The following ZBTB20 variants were observed in gnomAD, a reference collection of about 807,000 sequenced individuals.
ZBTB20 encodes the protein zinc finger and BTB domain containing 20.
In ZBTB20, 9 loss-of-function variants were observed where a neutral mutation model predicts 56.9. That is an observed-to-expected ratio of 0.16 (90% CI 0.10 to 0.28). ZBTB20 has a LOEUF of 0.28. ZBTB20 is among the 10% of genes least tolerant of loss of function. The pLI is 1.00. For synonymous variants in ZBTB20, 417 were observed against 420.7 expected (o/e 0.99, Z 0.11); for missense variants, 655 against 1,003.0 (o/e 0.65, Z 4.69).
At chr3:114,384,373 C>T (rs1451835546) in intron 8 of ZBTB20, among the ~76,000 whole-genome samples, 1 of 151,426 alleles carries the variant, frequency 6.6e-6, no homozygotes, top group Non-Finnish European at 1.5e-5. Context: ...ATATGCAAAG[C>T]AAAACTGGGT....
chr3:114,395,196 A>G (rs145916862), intron 7 of ZBTB20, among the ~76,000 whole-genome samples: 2,784 of 152,304 alleles, frequency 0.018, 40 homozygotes, highest in South Asian at 0.067. Flanking sequence ...AAGGCCCACT[A>G]TCATAATTTG....
At chr3:114,361,626 T>A (rs1313461470) in intron 10 of ZBTB20, among the ~76,000 whole-genome samples, 1 of 152,220 alleles carries the variant, frequency 6.6e-6, no homozygotes, top group African/African-American at 2.4e-5. Flanking sequence ...TTTCCTAATG[T>A]CTGTTCTCTA....
At chr3:114,710,692 C>A (rs1303140876) in intron 5 of ZBTB20, among the ~76,000 whole-genome samples, 1 of 152,176 alleles carries the variant, frequency 6.6e-6, no homozygotes, top group Admixed American at 6.5e-5. Flanking sequence ...ACTGCCATTG[C>A]CCTTTGCATA....
At chr3:114,736,010 G>T (rs1170362331) in intron 5 of ZBTB20, among the ~76,000 whole-genome samples, 1 of 152,122 alleles carries the variant, frequency 6.6e-6, no homozygotes, top group African/African-American at 2.4e-5. Flanking sequence ...TGATGTTTAT[G>T]TAGAGTAGTC....
At chr3:114,967,365 T>A (rs781283423) in intron 3 of ZBTB20, among the ~76,000 whole-genome samples, 16 of 152,226 alleles carry the variant, frequency 1.1e-4, no homozygotes, top group Non-Finnish European at 2.1e-4. Flanking sequence ...ACTGATGATA[T>A]CAGCAAAGTG....
Position 114,323,394 on chromosome 3 carries a change from T to A in ZBTB20, c.*15611A>T, listed in dbSNP as rs1044858723. ...TTGCACTGTTCCCTATCTGTCATCT[T>A]AAAGGACTTTACCACATGCATAGCC... is the stretch of plus-strand genomic sequence containing the variant. On this transcript the variant is annotated 3_prime_UTR_variant, in exon 12 of 12. Transcript: ENST00000675478. The A allele has an allele frequency of 6.6e-6, 1 of 152,252 alleles. No individual in the cohort carries two copies. Among genetic ancestry groups the A allele is most frequent in the African/African-American group, 2.4e-5 (1 of 41,464 alleles). 9.4% of individuals were successfully genotyped at this position (152,252 alleles called of 1,614,324 possible).
chr3:114,388,039 T>C (rs895688724), intron 8 of ZBTB20: 1 of 152,196 alleles, frequency 6.6e-6, no homozygotes, highest in African/African-American at 2.4e-5. Flanking sequence ...GCTAAAGACA[T>C]AGAAATATGA....
At chr3:114,695,206 C>T (rs2062930829) in intron 5 of ZBTB20, among the ~76,000 whole-genome samples, 1 of 151,970 alleles carries the variant, frequency 6.6e-6, no homozygotes, top group African/African-American at 2.4e-5. Flanking sequence ...TTGTCAAAGA[C>T]TTATGAAAAA....
intron 5 of ZBTB20, among the ~76,000 whole-genome samples, chr3:114,795,335 T>C (rs1485073477): frequency 1.3e-5 from 2 of 152,106 alleles, no homozygotes; most frequent in African/African-American, 4.8e-5. Context: ...GTATCTACTA[T>C]GTGCTTTCCC....
At chr3:115,145,537 TAC>T (rs2084938319) in intron 1 of ZBTB20, among the ~76,000 whole-genome samples, 1 of 152,212 alleles carries the variant, frequency 6.6e-6, no homozygotes, top group African/African-American at 2.4e-5. Context: ...AAATCGTTGT[TAC>T]ACTGTATTGT....
At chr3:114,374,730 T>C (rs1305986019) in intron 10 of ZBTB20, among the ~76,000 whole-genome samples, 1 of 152,214 alleles carries the variant, frequency 6.6e-6, no homozygotes, top group Non-Finnish European at 1.5e-5. Flanking sequence ...ATGAAGCTTT[T>C]GTTTGATTAT....
In ZBTB20 at chr3:115,073,429, T is replaced by C. The variant is rs543451942; in HGVS notation, c.-702-2015A>G. On this transcript the variant is annotated intron_variant, in intron 1 of 11. Coordinates refer to ENST00000675478, the MANE Select transcript of ZBTB20 (RefSeq NM_001348800.3). ...TCCCTAATTGTTCTGATATTTCTTA[T>C]TCCCGACTCCTACCATCCACTTGCT... 1.6e-4 allele frequency among the ~76,000 whole-genome samples: 25 copies of C among 152,296 alleles called. 1 individual carries two copies. The highest frequency in any genetic ancestry group is 1.0e-3 in the Admixed American group (16 of 15,288).
intron 5 of ZBTB20, among the ~76,000 whole-genome samples, chr3:114,744,448 G>A (rs2066873843): frequency 6.6e-6 from 1 of 152,112 alleles, no homozygotes; most frequent in Admixed American, 6.6e-5. Flanking sequence ...ATGCTTTAGG[G>A]TGTTTTTTCC....
At chr3:114,816,665 G>T (rs766917855) in intron 4 of ZBTB20, among the ~76,000 whole-genome samples, 8 of 152,064 alleles carry the variant, frequency 5.3e-5, no homozygotes, top group Non-Finnish European at 1.2e-4. Context: ...ATATACCAAA[G>T]CTTACTGCTA....
rs2078682516 is a variant in ZBTB20, at chr3:114,316,300, A to G, written c.*22705T>C. 5 of 370,272 alleles carry G rather than the reference A, an allele frequency of 1.4e-5. No individual in the cohort carries two copies. Among genetic ancestry groups the G allele is most frequent in the Non-Finnish European group, 2.6e-5 (5 of 196,026 alleles). The allele number at this position is 370,272 out of a possible 1,614,324, so 22.9% of individuals were successfully genotyped here. ...TCCTTGTTACAATCCATTCTTTATG[A>G]ACATACAGAAATGACCAAAGTCACT... is the stretch of plus-strand genomic sequence containing the variant. On this transcript the variant is annotated 3_prime_UTR_variant, in exon 12 of 12. Coordinates refer to ENST00000675478, the MANE Select transcript of ZBTB20 (RefSeq NM_001348800.3).
At position 114,878,022 on chromosome 3, in the gene ZBTB20, A is replaced by G. The variant is rs188745897; in HGVS notation, c.-417+22282T>C. ...TTTCTCTTTTAACATACCATTTAAA[A>G]GGGGCAAAAATTATTTCATCAAACA... On this transcript the variant is annotated intron_variant, in intron 4 of 11. Transcript: ENST00000675478. 2.9e-3 allele frequency among the ~76,000 whole-genome samples: 444 copies of G among 152,226 alleles called. 3 individuals carry two copies. The highest frequency in any genetic ancestry group is 0.01 in the African/African-American group (420 of 41,558).
At chr3:114,677,063 G>C (rs796772459) in intron 6 of ZBTB20, among the ~76,000 whole-genome samples, 2 of 152,192 alleles carry the variant, frequency 1.3e-5, no homozygotes, top group African/African-American at 4.8e-5. Context: ...GAGCCACTGT[G>C]CCCAGCCAAC....
In ZBTB20 at chr3:114,408,922, GCGCTCGTCCGCCGTC is replaced by G. The variant is rs1414968869; in HGVS notation, c.-254-19832_-254-19818del. Reference sequence around the variant, plus strand: ...CAAAGAACTGCCTAGTGGGAGAGCAGCGCTCGTCCGCCGTCCGCTCCTGGTGTGCTCTGTTAACCC... The same window carrying G: ...CAAAGAACTGCCTAGTGGGAGAGCAGCGCTCCTGGTGTGCTCTGTTAACCC... On this transcript the variant is annotated intron_variant, in intron 7 of 11. Coordinates refer to ENST00000675478, the MANE Select transcript of ZBTB20 (RefSeq NM_001348800.3). Among the ~76,000 whole-genome samples, 13 of 152,066 alleles carry G rather than the reference GCGCTCGTCCGCCGTC, an allele frequency of 8.5e-5. No individual in the cohort carries two copies. The East Asian group carries it at 2.5e-3, about 29-fold the overall frequency.
At chr3:115,014,720 G>A (rs2079872224) in intron 2 of ZBTB20, among the ~76,000 whole-genome samples, 1 of 151,680 alleles carries the variant, frequency 6.6e-6, no homozygotes, top group African/African-American at 2.4e-5. Flanking sequence ...TAGAAGGGTT[G>A]CTCTAAATTT....
Sources: allele counts gnomAD v4.1 joint callset (sites outside exome capture counted in the v4.1 genomes callset), GRCh38; gene constraint gnomAD v4.1.1; transcripts MANE v1.5; gene names NCBI Gene and HGNC (gene_info 2026-07-23, HGNC 2026-07-21).